RFTN1: variants seen among roughly 807,000 people sequenced by gnomAD.
RFTN1 encodes the protein raftlin.
In RFTN1, 26 loss-of-function variants were observed where a neutral mutation model predicts 46.5. The ratio of observed to expected loss-of-function variants is 0.56; its 90% confidence interval spans 0.41 to 0.78. The LOEUF is 0.78. Ranked by LOEUF, RFTN1 falls within the 30% of genes least tolerant of loss-of-function variation. The probability of loss-of-function intolerance (pLI) is 0.00; values close to 1 mark genes in which losing one functional copy is unlikely to be tolerated. For missense variants in RFTN1, 693 were observed against 718.7 expected (o/e 0.96, Z 0.41); for synonymous variants, 261 against 284.2 (o/e 0.92, Z 0.82).
At position 16,317,221 on chromosome 3, in the gene RFTN1, T is replaced by A. The variant is rs1198815688; in HGVS notation, c.1344A>T (p.Arg448=). 2 of 1,612,350 alleles carry A rather than the reference T, an allele frequency of 1.2e-6. No homozygotes were observed. Among genetic ancestry groups the A allele is most frequent in the African/African-American group, 2.7e-5 (2 of 74,776 alleles). The change falls in exon 10 of 10, where the codon CGA becomes CGT. Residue 448 remains arginine, a synonymous_variant. Transcript: ENST00000334133. The surrounding 1 kb of genome is among the most constrained non-coding windows in gnomAD (Gnocchi z 4.3). The part of the protein sequence containing the change: ...IKKKESKFQW[R]FSREEMHNRQ... ...TGTTGTGCATTTCTTCTCTGGAGAA[T>A]CGCCACTGAAACTAGAAATCAGAAA...
chr3:16,441,299 T>TAAAAAAAAAAAAAAA (rs59877269), intron 2 of RFTN1, among the ~76,000 whole-genome samples: 6 of 47,536 alleles, frequency 1.3e-4, no homozygotes, highest in East Asian at 5.0e-4. Context: ...TTCCAAGAAC[T>TAAAAAAAAAAAAAAA]AAAAAAAAAA....
chr3:16,397,222 T>C (rs1387580137), intron 4 of RFTN1, among the ~76,000 whole-genome samples: 3 of 152,090 alleles, frequency 2.0e-5, no homozygotes, highest in Non-Finnish European at 4.4e-5. Flanking sequence ...CTAGAGGACA[T>C]TATGCTAAGT....
intron 1 of RFTN1, among the ~76,000 whole-genome samples, chr3:16,510,862 AAAGAAAGAAACTAG>A (rs762960014): frequency 6.2e-4 from 94 of 152,362 alleles, no homozygotes; most frequent in Non-Finnish European, 7.5e-4. Flanking sequence ...CCAAAGAAAG[AAAGAAAGAAACTAG>A]AAGAAAGAAA....
intron 8 of RFTN1, among the ~76,000 whole-genome samples, chr3:16,324,613 A>C (rs866612854): frequency 0.014 from 1,265 of 90,594 alleles, 18 homozygotes; most frequent in Middle Eastern, 0.023. Flanking sequence ...AATGTCCCTG[A>C]CCCCCCCCCT....
At chr3:16,392,360 C>T (rs932226660) in intron 4 of RFTN1, among the ~76,000 whole-genome samples, 1 of 152,142 alleles carries the variant, frequency 6.6e-6, no homozygotes, top group Non-Finnish European at 1.5e-5. Flanking sequence ...GACACCCCAC[C>T]CTCACATGCC....
intron 4 of RFTN1, among the ~76,000 whole-genome samples, chr3:16,399,124 T>TTGGAGC (rs2074542963): frequency 6.6e-6 from 1 of 152,194 alleles, no homozygotes; most frequent in Admixed American, 6.5e-5. Context: ...TGCTAAAAAT[T>TTGGAGC]ACATAAAATT....
Position 16,317,108 on chromosome 3 carries a change from G to T in RFTN1, c.1457C>A (p.Ser486Tyr), listed in dbSNP as rs145630474. ...ENEKNLEDQS[S>Y]KAGDMGNCVS... is the part of the protein sequence containing the mutation. ...ACAGTTTCCCATGTCTCCAGCTTTG[G>T]AAGACTGGTCTTCTAAGTTCTTCTC... The change falls in exon 10 of 10, where the codon TCC (serine) becomes TAC (tyrosine). Residue 486 changes from serine to tyrosine, a missense_variant. Ser to Tyr is a moderately radical substitution (Grantham distance 144). Coordinates refer to ENST00000334133, the MANE Select transcript of RFTN1 (RefSeq NM_015150.2). The surrounding 1 kb of genome is among the most constrained non-coding windows in gnomAD (Gnocchi z 4.3). The T allele has an allele frequency of 2.8e-5, 45 of 1,613,754 alleles. No individual in the cohort carries two copies. In the African/African-American group the frequency reaches 5.7e-4, roughly 21 times the overall value.
rs114292971 is a variant in RFTN1 at position 16,480,765 on chromosome 3, T to C, written c.145+12960A>G. On this transcript the variant is annotated intron_variant, in intron 2 of 9. Transcript: ENST00000334133. This position sits in a 1 kb window ranked among gnomAD's most constrained non-coding sequence, Gnocchi z 4.3. Reference sequence around the variant, plus strand: ...TTTAACGCAATATTGCTAATAATAATTAGTAGGGTGCATAGAATATTAACT... The same window carrying C: ...TTTAACGCAATATTGCTAATAATAACTAGTAGGGTGCATAGAATATTAACT... Among the ~76,000 whole-genome samples the C allele has an allele frequency of 8.1e-3, 1,231 of 152,306 alleles. 13 individuals are homozygous for C. Among genetic ancestry groups the C allele is most frequent in the African/African-American group, 0.029 (1,189 of 41,560 alleles).
rs958213986 is a variant in RFTN1, at chr3:16,489,371, T to C, written c.145+4354A>G. Among the ~76,000 whole-genome samples, 2 of 151,940 alleles carry C rather than the reference T, an allele frequency of 1.3e-5. No homozygotes were observed. The highest frequency in any genetic ancestry group is 1.3e-4 in the Admixed American group (2 of 15,262). On this transcript the variant is annotated intron_variant, in intron 2 of 9. Transcript: ENST00000334133. This position sits in a 1 kb window ranked among gnomAD's most constrained non-coding sequence, Gnocchi z 4.0. ...AGGTGAAGATTGCAGTGAGCCGAGA[T>C]TGCACCACCACACTCCAGCCTGGGC... is the stretch of plus-strand genomic sequence containing the variant.
intron 7 of RFTN1, among the ~76,000 whole-genome samples, chr3:16,333,845 A>G (rs1392843093): frequency 1.3e-5 from 2 of 152,226 alleles, no homozygotes; most frequent in African/African-American, 2.4e-5. Flanking sequence ...CATGAGAGAA[A>G]TGCAGAATCT....
Position 16,322,162 on chromosome 3 carries a change from G to A in RFTN1, c.1332+1214C>T, listed in dbSNP as rs2069135556. On this transcript the variant is annotated intron_variant, in intron 9 of 9. Coordinates refer to ENST00000334133, the MANE Select transcript of RFTN1 (RefSeq NM_015150.2). This position sits in a 1 kb window ranked among gnomAD's most constrained non-coding sequence, Gnocchi z 6.2. ...GCAGCCGATCCATCTTCCAGCTGGT[G>A]GCTGCCTGCTCCTGGTGGTTGATGG... 6.6e-6 allele frequency among the ~76,000 whole-genome samples: 1 copy of A among 152,244 alleles called. No homozygotes were observed. Among genetic ancestry groups the A allele is most frequent in the Non-Finnish European group, 1.5e-5 (1 of 68,046 alleles).
Position 16,335,387 on chromosome 3 carries a change from G to A in RFTN1, c.1147-8511C>T, listed in dbSNP as rs1398854629. On this transcript the variant is annotated intron_variant, in intron 7 of 9. Coordinates refer to ENST00000334133, the MANE Select transcript of RFTN1 (RefSeq NM_015150.2). This position sits in a 1 kb window ranked among gnomAD's most constrained non-coding sequence, Gnocchi z 4.7. ...CATGGGAAACAGGCTTAAGAAGGGA[G>A]TTTGTACCACATTTTCTTTATCCAG... Among the ~76,000 whole-genome samples, 4 of 152,212 alleles carry A rather than the reference G, an allele frequency of 2.6e-5. No individual in the cohort carries two copies. Among genetic ancestry groups the A allele is most frequent in the African/African-American group, 9.7e-5 (4 of 41,434 alleles).
chr3:16,325,866 G>A (rs1179913734), intron 8 of RFTN1, among the ~76,000 whole-genome samples: 7 of 152,246 alleles, frequency 4.6e-5, no homozygotes, highest in Non-Finnish European at 8.8e-5. Context: ...TCACTCTGCA[G>A]TGGTGAATAT....
rs2074077942 is a variant in RFTN1 at position 16,383,903 on chromosome 3, A to C, written c.442-5801T>G. ...GTCTGACTCTAAGGAGGATGGTGTC[A>C]CAGTTAATTTTATGTCCACTTGACT... On this transcript the variant is annotated intron_variant, in intron 4 of 9. Transcript: ENST00000334133. The surrounding 1 kb of genome is among the most constrained non-coding windows in gnomAD (Gnocchi z 4.0). 6.6e-6 allele frequency among the ~76,000 whole-genome samples: 1 copy of C among 152,226 alleles called. No homozygotes were observed. The highest frequency in any genetic ancestry group is 1.5e-5 in the Non-Finnish European group (1 of 68,030).
intron 6 of RFTN1, among the ~76,000 whole-genome samples, chr3:16,365,101 C>G (rs1002023886): frequency 8.5e-5 from 13 of 152,124 alleles, no homozygotes; most frequent in Non-Finnish European, 1.8e-4. Context: ...CAATTTAGCC[C>G]CTACATTATT....
intron 2 of RFTN1, among the ~76,000 whole-genome samples, chr3:16,470,251 T>TACAG (rs1491015474): frequency 2.8e-5 from 4 of 143,012 alleles, no homozygotes; most frequent in Non-Finnish European, 6.3e-5. Flanking sequence ...CACACACACA[T>TACAG]ACAGACATAA....
At chr3:16,365,191 G>A (rs1014748563) in intron 6 of RFTN1, among the ~76,000 whole-genome samples, 1 of 152,124 alleles carries the variant, frequency 6.6e-6, no homozygotes, top group Non-Finnish European at 1.5e-5. Flanking sequence ...TCCCAAGGGA[G>A]TGGCTATCAG....
intron 1 of RFTN1, among the ~76,000 whole-genome samples, chr3:16,510,348 G>A (rs1361682531): frequency 6.6e-6 from 1 of 152,142 alleles, no homozygotes; most frequent in African/African-American, 2.4e-5. Flanking sequence ...AAATTCTGTG[G>A]GGCTTGGGGT....
Position 16,320,092 on chromosome 3 carries a change from T to G in RFTN1, c.1333-2860A>C, listed in dbSNP as rs570342256. 6.6e-6 allele frequency among the ~76,000 whole-genome samples: 1 copy of G among 152,376 alleles called. No individual in the cohort carries two copies. Among genetic ancestry groups the G allele is most frequent in the East Asian group, 1.9e-4 (1 of 5,190 alleles). On this transcript the variant is annotated intron_variant, in intron 9 of 9. Transcript: ENST00000334133. This position sits in a 1 kb window ranked among gnomAD's most constrained non-coding sequence, Gnocchi z 4.5. The stretch of plus-strand genomic sequence containing the variant: ...AAATCCTTCACTTTACAGCAGTGTG[T>G]GTCCAGAGTTCCATGTCAGCAGGAG...
Sources: gnomAD v4.1 joint callset for allele counts (sites outside exome capture counted in the v4.1 genomes callset) on GRCh38, gnomAD v4.1.1 for gene constraint, Gnocchi (gnomAD v3.1) non-coding constraint, MANE v1.5 for transcripts, NCBI Gene and HGNC (gene_info 2026-07-23, HGNC 2026-07-21) for gene names.